Variants in DLGAP2 observed in about 807,000 individuals in gnomAD.
DLGAP2 encodes DLG associated protein 2.
In DLGAP2, 26 loss-of-function variants were observed where a neutral mutation model predicts 100.3. That is an observed-to-expected ratio of 0.26 (90% CI 0.19 to 0.36). DLGAP2 has a LOEUF of 0.36. Among genes scored for constraint, DLGAP2 ranks in the 10% least tolerant of loss-of-function variants. The probability of loss-of-function intolerance (pLI) is 1.00; values close to 1 mark genes in which losing one functional copy is unlikely to be tolerated. For missense variants in DLGAP2, 1,858 were observed against 1,453.2 expected, an observed-to-expected ratio of 1.28 and a Z score of -4.53; for synonymous variants, 886 against 630.1, an observed-to-expected ratio of 1.41 and a Z score of -6.08.
intron 2 of DLGAP2, among the ~76,000 whole-genome samples, chr8:920,820 A>G (rs1798698129): frequency 6.6e-6 from 1 of 152,166 alleles, no homozygotes; most frequent in Non-Finnish European, 1.5e-5. Context: ...AAATAATTGC[A>G]AAAATGATTT....
At chr8:1,144,870 T>C (rs1398524020) in intron 2 of DLGAP2, among the ~76,000 whole-genome samples, 7 of 148,762 alleles carry the variant, frequency 4.7e-5, no homozygotes, top group African/African-American at 1.8e-4. Flanking sequence ...GTATGAACAG[T>C]CAAACCACAG....
chr8:820,517 T>A (rs1166995358), intron 1 of DLGAP2, among the ~76,000 whole-genome samples: 3 of 152,140 alleles, frequency 2.0e-5, no homozygotes, highest in Non-Finnish European at 4.4e-5. Context: ...AGAAAAAAAC[T>A]AAGAAACAGT....
At chr8:1,156,643 C>CAGCGCCCCAGCTT (rs1796796624) in intron 2 of DLGAP2, among the ~76,000 whole-genome samples, 1 of 151,266 alleles carries the variant, frequency 6.6e-6, no homozygotes, top group Non-Finnish European at 1.5e-5. Context: ...CGCCCCGGCT[C>CAGCGCCCCAGCTT]AGCGCCCCAG....
intron 11 of DLGAP2, 89 bp from the exon 12 acceptor site, chr8:1,678,125 G>C: frequency 6.8e-7 from 1 of 1,463,166 alleles, no homozygotes; most frequent in South Asian, 1.3e-5. Context: ...TTGAGCTCAG[G>C]TGCGCTCCTG....
intron 3 of DLGAP2, among the ~76,000 whole-genome samples, chr8:1,486,644 A>C (rs1799243254): frequency 6.6e-6 from 1 of 152,174 alleles, no homozygotes; most frequent in South Asian, 2.1e-4. Context: ...ACAGAACTGC[A>C]TTTGTCTCCT....
At chr8:742,091 T>G (rs1411673607) in intron 1 of DLGAP2, among the ~76,000 whole-genome samples, 1 of 152,220 alleles carries the variant, frequency 6.6e-6, no homozygotes, top group African/African-American at 2.4e-5. Flanking sequence ...AGGAGATTGT[T>G]TCTTTGAACT....
At chr8:1,027,481 A>G (rs1343393358) in intron 2 of DLGAP2, among the ~76,000 whole-genome samples, 306 of 89,318 alleles carry the variant, frequency 3.4e-3, no homozygotes, top group South Asian at 3.9e-3. Flanking sequence ...TCAGGCGCCC[A>G]TTATTCTCCA....
chr8:1,595,044 T>G (rs1430362101), intron 6 of DLGAP2, among the ~76,000 whole-genome samples: 2 of 151,902 alleles, frequency 1.3e-5, no homozygotes, highest in Non-Finnish European at 2.9e-5. Flanking sequence ...TCTTTTTTTT[T>G]CTTTTTTTCT....
chr8:1,229,523 A>G (rs1206196420), intron 2 of DLGAP2, among the ~76,000 whole-genome samples: 1 of 149,658 alleles, frequency 6.7e-6, no homozygotes, highest in East Asian at 2.1e-4. Flanking sequence ...AGGTTTCATA[A>G]TAGTCTCTGA....
intron 1 of DLGAP2, among the ~76,000 whole-genome samples, chr8:851,489 C>T (rs1797181974): frequency 6.6e-6 from 1 of 152,128 alleles, no homozygotes; most frequent in Non-Finnish European, 1.5e-5. Flanking sequence ...ATAGGAAGCA[C>T]CTATGTTAGT....
In DLGAP2 at chr8:1,376,702, C is replaced by T. The variant is rs545307208; in HGVS notation, c.106+117819C>T. Among the ~76,000 whole-genome samples, 110 of 124,940 alleles carry T rather than the reference C, an allele frequency of 8.8e-4. 3 individuals carry two copies. The highest frequency in any genetic ancestry group is 3.0e-3 in the African/African-American group (104 of 34,222). The allele number at this position is 124,940 out of a possible 152,430, so 82.0% of individuals were successfully genotyped here. On this transcript the variant is annotated intron_variant, in intron 3 of 14. Coordinates refer to ENST00000637795, the MANE Select transcript of DLGAP2 (RefSeq NM_001346810.2). Reference sequence around the variant, plus strand: ...TCATCGGCGGATGGCGGGGACAGGGCTACCGAGACCCTCAACCTGAGCCCG... The same window carrying T: ...TCATCGGCGGATGGCGGGGACAGGGTTACCGAGACCCTCAACCTGAGCCCG...
intron 3 of DLGAP2, among the ~76,000 whole-genome samples, chr8:1,357,626 AT>A (rs1801885836): frequency 6.6e-6 from 1 of 152,060 alleles, no homozygotes. Flanking sequence ...ACTCTTACAC[AT>A]TTTCAAAATA....
chr8:1,467,220 G>T (rs989116403), intron 3 of DLGAP2, among the ~76,000 whole-genome samples: 1 of 152,086 alleles, frequency 6.6e-6, no homozygotes, highest in African/African-American at 2.4e-5. Context: ...TGGCTTCTCT[G>T]TTGGATGTCA....
chr8:1,095,183 G>C (rs574300176), intron 2 of DLGAP2, among the ~76,000 whole-genome samples: 17 of 152,310 alleles, frequency 1.1e-4, no homozygotes, highest in Non-Finnish European at 1.6e-4. Context: ...AGATGCCGTG[G>C]TCACCCTTTA....
chr8:1,120,846 A>G (rs924116868), intron 2 of DLGAP2, among the ~76,000 whole-genome samples: 1 of 151,708 alleles, frequency 6.6e-6, no homozygotes, highest in Non-Finnish European at 1.5e-5. Context: ...ATGACCACCC[A>G]TCCTTGTCCC....
chr8:1,633,473 T>C (rs973842291), intron 8 of DLGAP2, among the ~76,000 whole-genome samples: 52 of 152,190 alleles, frequency 3.4e-4, no homozygotes, highest in Non-Finnish European at 1.5e-4. Context: ...TCTGTAAACA[T>C]GACTCACCGC....
chr8:1,280,684 G>A (rs1799797429), intron 3 of DLGAP2, among the ~76,000 whole-genome samples: 1 of 152,222 alleles, frequency 6.6e-6, no homozygotes, highest in Non-Finnish European at 1.5e-5. Context: ...CATGGGCATG[G>A]AGGGGAGGTA....
At chr8:1,558,480 C>T (rs1802043331) in intron 5 of DLGAP2, among the ~76,000 whole-genome samples, 1 of 152,138 alleles carries the variant, frequency 6.6e-6, no homozygotes, top group Admixed American at 6.5e-5. Flanking sequence ...GAGGGAGACA[C>T]ATACAAACAT....
chr8:1,592,792 C>G (rs962678056), intron 6 of DLGAP2, among the ~76,000 whole-genome samples: 1 of 152,036 alleles, frequency 6.6e-6, no homozygotes, highest in Non-Finnish European at 1.5e-5. Context: ...TTTTATTATC[C>G]CACAGTAATT....
Sources: gnomAD v4.1 joint callset for allele counts (sites outside exome capture counted in the v4.1 genomes callset) on GRCh38, gnomAD v4.1.1 for gene constraint, MANE v1.5 for transcripts, NCBI Gene and HGNC (gene_info 2026-07-23, HGNC 2026-07-21) for gene names.